Variants in ITGAE observed in about 807,000 individuals in gnomAD.
The protein encoded by ITGAE is integrin subunit alpha E.
A neutral mutation model predicts 136.5 loss-of-function variants in ITGAE; 99 were observed. The ratio of observed to expected loss-of-function variants is 0.73; its 90% CI spans 0.62 to 0.86. ITGAE has a LOEUF of 0.86. Among genes scored for constraint, ITGAE ranks in the 40% least tolerant of loss-of-function variants. The pLI, the probability that ITGAE is intolerant of heterozygous loss-of-function variation, is 0.00. For missense variants in ITGAE, 1,447 were observed against 1,515.3 expected, an observed-to-expected ratio of 0.95 and a Z score of 0.75; for synonymous variants, 613 against 591.8, an observed-to-expected ratio of 1.04 and a Z score of -0.52.
Position 3,751,836 on chromosome 17 carries a change from G to T in ITGAE, c.1707C>A (p.His569Gln). Residue 569 changes from histidine (H) to glutamine (Q), a missense_variant, in exon 15 of 31, where the codon CAC (histidine) becomes CAA (glutamine). This residue lies in a region of ITGAE where 1,031 missense variants were observed against 1,011.4 expected (regional missense o/e 1.02). Transcript: ENST00000263087. ...SFSLARILSG[H>Q]PGFTNARFGF... is the part of the protein sequence containing the mutation. ...CAAAGCGGGCATTGGTGAACCCGGG[G>T]TGCCCACTCAGTATGCGTGCCAAGG... The T allele has an allele frequency of 3.1e-6, 5 of 1,614,106 alleles. No individual in the cohort carries two copies. The highest frequency in any genetic ancestry group is 4.2e-6 in the Non-Finnish European group (5 of 1,179,972).
At chr17:3,795,405 T>C (rs1274380424) in intron 1 of ITGAE, among the ~76,000 whole-genome samples, 2 of 152,222 alleles carry the variant, frequency 1.3e-5, no homozygotes, top group African/African-American at 4.8e-5. Context: ...TTCACTTTGT[T>C]CAACAGAGAT....
In ITGAE at chr17:3,716,699, T is replaced by C. The variant is rs151074270; in HGVS notation, c.3433A>G (p.Ile1145Val). 5.7e-4 allele frequency: 901 copies of C among 1,592,416 alleles called. 7 individuals are homozygous for C. The African/African-American group carries it at 0.011, about 19-fold the overall frequency. Residue 1145 changes from isoleucine (I) to valine (V), a missense_variant, in exon 30 of 31, where the codon ATC becomes GTC. Transcript: ENST00000263087. ...TGAGTAGAACTGACCTTGAACAGGATGACCAGAATCACGATCAACACCAGA... is the reference window on the plus strand; with the variant it reads ...TGAGTAGAACTGACCTTGAACAGGACGACCAGAATCACGATCAACACCAGA... ...GLLVLIVILV[I>V]LFKCGFFKRK...
rs1015531025 is a variant in ITGAE, at chr17:3,748,849, G to A, written c.2025-797C>T. 3.3e-5 allele frequency among the ~76,000 whole-genome samples: 5 copies of A among 152,298 alleles called. No homozygotes were observed. The East Asian group carries it at 9.7e-4, about 29-fold the overall frequency. On this transcript the variant is annotated intron_variant, in intron 16 of 30. Transcript: ENST00000263087. Reference sequence around the variant, plus strand: ...ATTAGTGAGACAGAGGATGGGAGGAGGAGATGGGAATGGAGGGGCGGGAAG... The same window carrying A: ...ATTAGTGAGACAGAGGATGGGAGGAAGAGATGGGAATGGAGGGGCGGGAAG...
chr17:3,731,375 T>C (rs1360233416), intron 22 of ITGAE, among the ~76,000 whole-genome samples, 192 bp from the exon 23 acceptor site: 1 of 146,004 alleles, frequency 6.8e-6, no homozygotes, highest in Non-Finnish European at 1.5e-5. Flanking sequence ...GGAGTCTCGC[T>C]CTGTCACCCA....
At chr17:3,772,225 T>G (rs960022649) in intron 2 of ITGAE, among the ~76,000 whole-genome samples, 27 of 152,206 alleles carry the variant, frequency 1.8e-4, no homozygotes, top group African/African-American at 6.0e-4. Flanking sequence ...CGCCCCCCCG[T>G]ACCTCGGACG....
rs536238930 is a variant in ITGAE, at chr17:3,798,855, G to A, written c.34+2256C>T. 6.6e-6 allele frequency among the ~76,000 whole-genome samples: 1 copy of A among 152,340 alleles called. No homozygotes were observed. Among genetic ancestry groups the A allele is most frequent in the African/African-American group, 2.4e-5 (1 of 41,578 alleles). On this transcript the variant is annotated intron_variant, in intron 1 of 30. Transcript: ENST00000263087. The surrounding 1 kb of genome is among the most constrained non-coding windows in gnomAD (Gnocchi z 4.3). Reference sequence around the variant, plus strand: ...AGCAGGCCACAGGGTAAGAGGGCATGATGGGGCTGGTGGTCAGGGTGTGGA... The same window carrying A: ...AGCAGGCCACAGGGTAAGAGGGCATAATGGGGCTGGTGGTCAGGGTGTGGA...
In ITGAE at chr17:3,748,006, TG is replaced by T. The variant is rs1567529673; in HGVS notation, c.2070del (p.Ser691AlafsTer11). 1.2e-6 allele frequency: 2 copies of T among 1,611,882 alleles called. No individual in the cohort carries two copies. The highest frequency in any genetic ancestry group is 3.3e-5 in the Admixed American group (2 of 59,934). On this transcript the variant is annotated frameshift_variant, in exon 17 of 31. Transcript: ENST00000263087. LOFTEE classifies it high-confidence loss of function. ...VRLKVSMAFTPSALPIGFNGV... is the reference protein window; with the variant it reads ...VRLKVSMAFTXSALPIGFNGV... Reference sequence around the variant, plus strand: ...CCGTTGAAGCCGATGGGCAGTGCGCTGGGGGTGAAGGCCATGGAGACCTTCA... The same window carrying T: ...CCGTTGAAGCCGATGGGCAGTGCGCTGGGGTGAAGGCCATGGAGACCTTCA...
intron 2 of ITGAE, among the ~76,000 whole-genome samples, chr17:3,767,297 C>T (rs1399308209): frequency 6.6e-6 from 1 of 152,062 alleles, no homozygotes; most frequent in Non-Finnish European, 1.5e-5. Flanking sequence ...GGGTTTTCAC[C>T]ATGTTGGCCA....
chr17:3,751,551 C>T, intron 15 of ITGAE, 99 bp downstream of exon 15: 1 of 1,102,980 alleles, frequency 9.1e-7, no homozygotes, highest in South Asian at 1.4e-5. Flanking sequence ...CCGAGACCTG[C>T]CCAGCACTTA....
At chr17:3,725,698 A>G (rs1253028706) in intron 26 of ITGAE, 1 of 1,576,058 alleles carries the variant, frequency 6.3e-7, no homozygotes, top group Non-Finnish European at 8.6e-7. Flanking sequence ...GGCTCTGCAA[A>G]TGACCGGCCT....
intron 26 of ITGAE, chr17:3,724,358 C>T: frequency 6.2e-7 from 1 of 1,600,846 alleles, no homozygotes; most frequent in Non-Finnish European, 8.5e-7. Context: ...TCCCCAGCCG[C>T]GACTCCGGCC....
chr17:3,734,564 A>G (rs1019055122), intron 21 of ITGAE, among the ~76,000 whole-genome samples: 1 of 152,200 alleles, frequency 6.6e-6, no homozygotes, highest in African/African-American at 2.4e-5. Context: ...TTAGGGCATT[A>G]GACTCACTTC....
At chr17:3,747,579 G>A (rs888783337) in intron 17 of ITGAE, among the ~76,000 whole-genome samples, 2 of 152,148 alleles carry the variant, frequency 1.3e-5, no homozygotes, top group African/African-American at 4.8e-5. Flanking sequence ...AAAGTGCTGG[G>A]ATTACAGGCG....
At chr17:3,784,356 C>T (rs1396352651) in intron 1 of ITGAE, 2 of 335,456 alleles carry the variant, frequency 6.0e-6, no homozygotes, top group East Asian at 1.3e-4. Context: ...CAAAGTTGAC[C>T]TGACAGACAA....
At chr17:3,724,729 A>G in intron 26 of ITGAE, 11 of 1,614,222 alleles carry the variant, frequency 6.8e-6, no homozygotes, top group Non-Finnish European at 8.5e-6. Flanking sequence ...GATGGGAAGA[A>G]TATGAGAGAG....
In ITGAE at chr17:3,786,676, G is replaced by A. The variant is rs565373768; in HGVS notation, c.35-9016C>T. 1.4e-4 allele frequency among the ~76,000 whole-genome samples: 21 copies of A among 152,210 alleles called. No homozygotes were observed. In the South Asian group the frequency reaches 3.7e-3, roughly 27 times the overall value. ...GGAGGCCAAGGCCAGCGGATCACGA[G>A]GTCAAGAGATTGAGACTATCCTGGC... On this transcript the variant is annotated intron_variant, in intron 1 of 30. Transcript: ENST00000263087.
At chr17:3,744,664 G>T (rs1378003159) in intron 18 of ITGAE, among the ~76,000 whole-genome samples, 1 of 151,962 alleles carries the variant, frequency 6.6e-6, no homozygotes, top group Non-Finnish European at 1.5e-5. Flanking sequence ...GGTCAGGCCG[G>T]TCTCGAACTC....
In ITGAE at chr17:3,739,820, G is replaced by T. The variant is rs1418659557; in HGVS notation, c.2507C>A (p.Ala836Asp). The change falls in exon 20 of 31, where the codon GCC becomes GAC. Residue 836 changes from alanine to aspartate, a missense_variant. Physicochemically the swap from Ala to Asp is moderately radical, Grantham distance 126. Coordinates refer to ENST00000263087, the MANE Select transcript of ITGAE (RefSeq NM_002208.5). ...TCCAACTCACTGAGAGACGGTGGTG[G>T]CCAACTGTAATTCTGCGACACAAAA... is the stretch of plus-strand genomic sequence containing the variant. ...KLFCVAELQL[A>D]TTVSQQELVV... The T allele has an allele frequency of 1.2e-6, 2 of 1,613,954 alleles. No homozygotes were observed. Among genetic ancestry groups the T allele is most frequent in the Non-Finnish European group, 1.7e-6 (2 of 1,179,918 alleles).
intron 28 of ITGAE, among the ~76,000 whole-genome samples, chr17:3,723,048 G>A (rs929491487): frequency 6.6e-6 from 1 of 152,230 alleles, no homozygotes; most frequent in African/African-American, 2.4e-5. Flanking sequence ...TGCTGGAATA[G>A]ACGTGGGGAT....
Sources: gnomAD v4.1 joint callset for allele counts (sites outside exome capture counted in the v4.1 genomes callset) on GRCh38, gnomAD v4.1.1 for gene constraint, gnomAD v4.1.1 regional missense constraint, Gnocchi (gnomAD v3.1) non-coding constraint, MANE v1.5 for transcripts, NCBI Gene and HGNC (gene_info 2026-07-23, HGNC 2026-07-21) for gene names.